Variants in MROH1 observed in about 807,000 individuals in gnomAD.
MROH1 encodes maestro heat-like repeat-containing protein family member 1.
A neutral mutation model predicts 116.5 loss-of-function variants in MROH1; 117 were observed. That is an observed-to-expected ratio of 1.00 (90% CI 0.86 to 1.17). MROH1 has a LOEUF of 1.17. MROH1 is among the 50% of genes most tolerant of loss of function. The pLI is 0.00. For synonymous variants in MROH1, 921 were observed against 583.9 expected, an observed-to-expected ratio of 1.58 and a Z score of -8.32; for missense variants, 1,873 against 1,338.5, an observed-to-expected ratio of 1.40 and a Z score of -6.23.
intron 10 of MROH1, 80 bp from the exon 11 acceptor site, chr8:144,199,042 C>T (rs1830521374): frequency 2.2e-6 from 3 of 1,388,748 alleles, no homozygotes; most frequent in Non-Finnish European, 3.0e-6. Context: ...CCCAGCTGCC[C>T]AGGCCCAGAA....
At chr8:144,205,157 T>C (rs902018811) in intron 12 of MROH1, among the ~76,000 whole-genome samples, 2 of 152,212 alleles carry the variant, frequency 1.3e-5, no homozygotes, top group African/African-American at 2.4e-5. Context: ...CCCAAAGTAC[T>C]GGGATTACAG....
At chr8:144,248,409 G>A (rs1216101771) in intron 31 of MROH1, among the ~76,000 whole-genome samples, 1 of 152,184 alleles carries the variant, frequency 6.6e-6, no homozygotes, top group African/African-American at 2.4e-5. Flanking sequence ...TTGGTGCTTA[G>A]GAATGGCCTT....
chr8:144,156,193 C>T lies in MROH1; in HGVS notation c.-176-4777C>T, dbSNP rs910968203. Among the ~76,000 whole-genome samples, 3 of 147,212 alleles carry T rather than the reference C, an allele frequency of 2.0e-5. No individual in the cohort carries two copies. The East Asian group carries it at 6.1e-4, about 30-fold the overall frequency. Reference sequence around the variant, plus strand: ...TGGAGGTTGTGGTGAGCCGAGACTGCGCCATTGCACTCCAGCCTGGGCAAC... The same window carrying T: ...TGGAGGTTGTGGTGAGCCGAGACTGTGCCATTGCACTCCAGCCTGGGCAAC... On this transcript the variant is annotated intron_variant, in intron 1 of 43. Coordinates refer to ENST00000326134, the MANE Select transcript of MROH1 (RefSeq NM_032450.3).
At chr8:144,201,779 A>T (rs1831200529) in intron 12 of MROH1, among the ~76,000 whole-genome samples, 1 of 151,996 alleles carries the variant, frequency 6.6e-6, no homozygotes, top group African/African-American at 2.4e-5. Flanking sequence ...TTGGGAGGCC[A>T]TGGCGGGCAG....
intron 11 of MROH1, 33 bp from the exon 12 acceptor site, chr8:144,200,395 C>T (rs1217272317): frequency 2.0e-6 from 3 of 1,491,022 alleles, no homozygotes; most frequent in Non-Finnish European, 2.7e-6. Context: ...AACAAGATGA[C>T]ATGGAGCCTA....
intron 34 of MROH1, among the ~76,000 whole-genome samples, 155 bp downstream of exon 34, chr8:144,255,133 G>C (rs1843477848): frequency 1.3e-5 from 2 of 152,220 alleles, no homozygotes; most frequent in African/African-American, 4.8e-5. Context: ...GGCTCGTAAA[G>C]GCCTCACAGG....
At chr8:144,170,508 G>A (rs1480417864) in intron 4 of MROH1, among the ~76,000 whole-genome samples, 1 of 152,152 alleles carries the variant, frequency 6.6e-6, no homozygotes, top group African/African-American at 2.4e-5. Flanking sequence ...TCTGCCATTT[G>A]TTTGTGGATC....
At chr8:144,184,237 A>G (rs1413406126) in intron 7 of MROH1, among the ~76,000 whole-genome samples, 1 of 152,170 alleles carries the variant, frequency 6.6e-6, no homozygotes, top group Non-Finnish European at 1.5e-5. Context: ...TGGGGTGACC[A>G]GTGTCCTACT....
intron 7 of MROH1, among the ~76,000 whole-genome samples, chr8:144,181,274 A>AGCCAGTGATGGGGGAGGGG: frequency 5.0e-4 from 1 of 1,994 alleles, no homozygotes; most frequent in African/African-American, 1.3e-3. Flanking sequence ...GTGTGGGAGG[A>AGCCAGTGATGGGGGAGGGG]CCCAGTGATG....
intron 4 of MROH1, chr8:144,175,534 C>A: frequency 1.0e-6 from 1 of 985,498 alleles, no homozygotes; most frequent in Non-Finnish European, 1.2e-6. Context: ...TTAATCCACC[C>A]ACTTAGAGCC....
chr8:144,205,945 A>G (rs1385019180), intron 12 of MROH1, among the ~76,000 whole-genome samples: 1 of 152,244 alleles, frequency 6.6e-6, no homozygotes, highest in Non-Finnish European at 1.5e-5. Context: ...TTGTTCACCC[A>G]TATGACTACC....
intron 4 of MROH1, among the ~76,000 whole-genome samples, chr8:144,175,817 G>A (rs771125795): frequency 1.1e-4 from 17 of 152,228 alleles, no homozygotes; most frequent in Non-Finnish European, 1.6e-4. Context: ...TTGGGAGGCC[G>A]AGGCGGGCAG....
chr8:144,212,980 A>G lies in MROH1; in HGVS notation c.1142-7620A>G, dbSNP rs111350180. ...CTATCCCATAATTACCATTTGTTTG[A>G]TCTCGTTACACAGGCAGCACTAACA... is the stretch of plus-strand genomic sequence containing the variant. On this transcript the variant is annotated intron_variant, in intron 12 of 43. Transcript: ENST00000326134. The G allele has an allele frequency of 5.1e-3, 3,947 of 770,694 alleles. 85 individuals are homozygous for G. In the African/African-American group the frequency reaches 0.052, roughly 10 times the overall value. The allele number at this position is 770,694 out of a possible 1,614,324, so 47.7% of individuals were successfully genotyped here.
At chr8:144,178,583 C>T (rs1187358449) in intron 4 of MROH1, among the ~76,000 whole-genome samples, 1 of 152,162 alleles carries the variant, frequency 6.6e-6, no homozygotes, top group Non-Finnish European at 1.5e-5. Flanking sequence ...TTTTGCAGGT[C>T]ACCTCTTTAT....
chr8:144,239,396 C>T, intron 17 of MROH1, 33 bp downstream of exon 17: 1 of 780,488 alleles, frequency 1.3e-6, no homozygotes, highest in Admixed American at 1.7e-5. Context: ...GTGCCCAGCG[C>T]CCCACTCTGT....
intron 1 of MROH1, among the ~76,000 whole-genome samples, chr8:144,154,875 G>A (rs1313548417): frequency 6.6e-6 from 1 of 151,546 alleles, no homozygotes; most frequent in Non-Finnish European, 1.5e-5. Context: ...CTGGAGCGCA[G>A]TGGTGCAATC....
rs1824921490 is a variant in MROH1, at chr8:144,179,307, C to T, written c.169-148C>T. On this transcript the variant is annotated intron_variant, in intron 4 of 43. Coordinates refer to ENST00000326134, the MANE Select transcript of MROH1 (RefSeq NM_032450.3). ...GAGGCTTGCAGGCCGGCTTTTAGGG[C>T]GTGAGGAGTGATCAGGTGTACCCCT... is the stretch of plus-strand genomic sequence containing the variant. 19 of 1,178,428 alleles carry T rather than the reference C, an allele frequency of 1.6e-5. No individual in the cohort carries two copies. In the South Asian group the frequency reaches 2.0e-4, roughly 12 times the overall value. 73.0% of individuals were successfully genotyped at this position (1,178,428 alleles called of 1,614,324 possible). A position where few individuals can be genotyped will look rare whatever the true frequency, so the allele number is the denominator to read the frequency against.
At chr8:144,218,445 C>T (rs1180128360) in intron 12 of MROH1, among the ~76,000 whole-genome samples, 2 of 151,978 alleles carry the variant, frequency 1.3e-5, no homozygotes, top group Non-Finnish European at 2.9e-5. Context: ...CGGGGAAGCC[C>T]AGTGGCGTTG....
chr8:144,223,042 T>C, intron 13 of MROH1, 66 bp from the exon 14 acceptor site: 1 of 1,601,362 alleles, frequency 6.2e-7, no homozygotes, highest in South Asian at 1.1e-5. Flanking sequence ...GGTTCCTCTC[T>C]GCTGGCTGGA....
Sources: allele counts gnomAD v4.1 joint callset (sites outside exome capture counted in the v4.1 genomes callset), GRCh38; gene constraint gnomAD v4.1.1; transcripts MANE v1.5; gene names NCBI Gene and HGNC (gene_info 2026-07-23, HGNC 2026-07-21).